SLC12A6: variants seen among roughly 807,000 people sequenced by gnomAD.
The protein encoded by SLC12A6 is K-Cl cotransporter 3.
SLC12A6 carries 66 observed loss-of-function variants against 135.3 expected under a neutral mutation model. The observed-to-expected ratio is 0.49, with a 90% confidence interval of 0.40 to 0.60. The LOEUF is 0.60. Among genes scored for constraint, SLC12A6 ranks in the 20% least tolerant of loss-of-function variants. The probability of loss-of-function intolerance (pLI) is 0.00; values close to 1 mark genes in which losing one functional copy is unlikely to be tolerated. For missense variants in SLC12A6, 1,058 were observed against 1,452.3 expected (o/e 0.73, Z 4.41); for synonymous variants, 513 against 508.8 (o/e 1.01, Z -0.11).
chr15:34,319,166 C>T (rs1223733468), intron 2 of SLC12A6, among the ~76,000 whole-genome samples: 4 of 147,434 alleles, frequency 2.7e-5, no homozygotes, highest in Admixed American at 6.7e-5. Context: ...GGGTCTCGCT[C>T]GCCCTGTTGT....
intron 2 of SLC12A6, among the ~76,000 whole-genome samples, chr15:34,288,751 G>C (rs1338637893): frequency 6.6e-6 from 1 of 152,176 alleles, no homozygotes; most frequent in Non-Finnish European, 1.5e-5. Context: ...TAGTAATTGT[G>C]AATGGGAGTT....
chr15:34,254,488 C>A lies in SLC12A6; in HGVS notation c.978G>T (p.Leu326Phe), dbSNP rs375869596. 49 of 1,613,698 alleles carry A rather than the reference C, an allele frequency of 3.0e-5. No individual in the cohort carries two copies. The highest frequency in any genetic ancestry group is 4.0e-5 in the Non-Finnish European group (47 of 1,179,720). The change falls in exon 9 of 26, where the codon TTG (leucine) becomes TTT (phenylalanine). Residue 326 changes from leucine (L) to phenylalanine (F), a missense_variant. Physicochemically the swap from Leu to Phe is conservative, Grantham distance 22. Around this residue, in one of 6 missense-constraint regions of SLC12A6, gnomAD observed 297 missense variants for 318.5 expected, o/e 0.93. Coordinates refer to ENST00000354181, the MANE Select transcript of SLC12A6 (RefSeq NM_001365088.1). ...TAAATACCACTAATACCATAAGGAC[C>A]AAGAAAGCTGTGCCGTAGACACGCA... Reference protein sequence around the residue: ...NNMRVYGTAFLVLMVLVVFIG... With the variant: ...NNMRVYGTAFFVLMVLVVFIG...
In SLC12A6 at chr15:34,237,124, G is replaced by T. The variant is rs1006473305; in HGVS notation, c.2934+295C>A. 6.4e-6 allele frequency: 3 copies of T among 465,718 alleles called. No individual in the cohort carries two copies. The East Asian group carries it at 1.3e-4, about 20-fold the overall frequency. The allele number at this position is 465,718 out of a possible 1,614,324, so 28.8% of individuals were successfully genotyped here. A position where few individuals can be genotyped will look rare whatever the true frequency, so the allele number is the denominator to read the frequency against. The stretch of plus-strand genomic sequence containing the variant: ...TTTTAAAAGCCATGTGTGATTTTAA[G>T]CTGAATATATGAATAAAAATTTCAT... On this transcript the variant is annotated intron_variant, in intron 22 of 25. Transcript: ENST00000354181.
At chr15:34,311,598 G>T (rs1317804469) in intron 2 of SLC12A6, among the ~76,000 whole-genome samples, 2 of 152,146 alleles carry the variant, frequency 1.3e-5, no homozygotes, top group African/African-American at 4.8e-5. Context: ...TTTATAAGTT[G>T]AACATTGGCT....
At position 34,242,143 on chromosome 15, in the gene SLC12A6, C is replaced by G; in HGVS notation, c.2121G>C (p.Met707Ile). 3 of 1,590,862 alleles carry G rather than the reference C, an allele frequency of 1.9e-6. No homozygotes were observed. Among genetic ancestry groups the G allele is most frequent in the Non-Finnish European group, 2.6e-6 (3 of 1,159,042 alleles). ...ACTTGTAGATCATACCAGCTATTAC[C>G]ATGGCTACAATGGCATAATACCAGG... is the stretch of plus-strand genomic sequence containing the variant. ...ISSWYYAIVA[M>I]VIAGMIYKYI... The change falls in exon 17 of 26, where the codon ATG becomes ATC. Residue 707 changes from methionine to isoleucine, a missense_variant. Physicochemically the swap from Met to Ile is conservative, Grantham distance 10. This residue lies in a region of SLC12A6 where 170 missense variants were observed against 297.6 expected (regional missense o/e 0.57). Transcript: ENST00000354181.
chr15:34,230,077 G>T lies in SLC12A6; in HGVS notation c.*3804C>A. On this transcript the variant is annotated 3_prime_UTR_variant, in exon 26 of 26. Transcript: ENST00000354181. ...AAAAAACATAACTATGTAAACAAGAGAATAACTGCTGCTAAATCAAGAACT... is the reference window on the plus strand; with the variant it reads ...AAAAAACATAACTATGTAAACAAGATAATAACTGCTGCTAAATCAAGAACT... 1 of 400,770 alleles carries T rather than the reference G, an allele frequency of 2.5e-6. No homozygotes were observed. Among genetic ancestry groups the T allele is most frequent in the South Asian group, 5.8e-5 (1 of 17,278 alleles). The allele number at this position is 400,770 out of a possible 1,614,324, so 24.8% of individuals were successfully genotyped here. A position where few individuals can be genotyped will look rare whatever the true frequency, so the allele number is the denominator to read the frequency against.
At chr15:34,254,861 G>GTTA (rs1472377469) in intron 8 of SLC12A6, among the ~76,000 whole-genome samples, 38 of 151,656 alleles carry the variant, frequency 2.5e-4, no homozygotes, top group African/African-American at 8.7e-4. Flanking sequence ...TATTCATAGG[G>GTTA]TTATATAAAG....
intron 2 of SLC12A6, among the ~76,000 whole-genome samples, chr15:34,288,943 G>T (rs1376362182): frequency 6.6e-6 from 1 of 152,184 alleles, no homozygotes; most frequent in Non-Finnish European, 1.5e-5. Context: ...GAGACAATTT[G>T]ACTTCCTCTC....
chr15:34,293,805 T>C (rs1226477647), intron 2 of SLC12A6, among the ~76,000 whole-genome samples: 1 of 152,210 alleles, frequency 6.6e-6, no homozygotes, highest in Non-Finnish European at 1.5e-5. Flanking sequence ...GGTCTCCCTA[T>C]GTTGCCCAGG....
Position 34,236,001 on chromosome 15 carries a change from G to C in SLC12A6, c.3227+14C>G, listed in dbSNP as rs1432425125. The C allele has an allele frequency of 6.2e-7, 1 of 1,605,326 alleles. No individual in the cohort carries two copies. The highest frequency in any genetic ancestry group is 8.5e-7 in the Non-Finnish European group (1 of 1,171,948). ...AGGTAATTTTATGATAAACTTGGGA[G>C]TGGGAAAACTTACGGACGCATGTTA... is the stretch of plus-strand genomic sequence containing the variant. On this transcript the variant is annotated intron_variant, in intron 24 of 25. Coordinates refer to ENST00000354181, the MANE Select transcript of SLC12A6 (RefSeq NM_001365088.1).
At chr15:34,237,652 G>A in intron 21 of SLC12A6, 102 bp from the exon 22 acceptor site, 2 of 935,284 alleles carry the variant, frequency 2.1e-6, no homozygotes, top group East Asian at 2.6e-5. Flanking sequence ...CTTGCTATAT[G>A]TAGTATAAGG....
chr15:34,303,765 T>C (rs1407425414), intron 2 of SLC12A6, among the ~76,000 whole-genome samples: 1 of 152,112 alleles, frequency 6.6e-6, no homozygotes, highest in Non-Finnish European at 1.5e-5. Context: ...CCTCTTACCC[T>C]CTCTGCCCTC....
intron 2 of SLC12A6, among the ~76,000 whole-genome samples, chr15:34,297,896 A>C (rs1895980896): frequency 6.6e-6 from 1 of 152,168 alleles, no homozygotes; most frequent in African/African-American, 2.4e-5. Context: ...AAAATGCAAA[A>C]AGAAATAAAT....
At chr15:34,278,625 G>A (rs1213343405) in intron 2 of SLC12A6, among the ~76,000 whole-genome samples, 1 of 151,940 alleles carries the variant, frequency 6.6e-6, no homozygotes, top group Non-Finnish European at 1.5e-5. Flanking sequence ...AGGCTGGAGT[G>A]CAGTAGCGCG....
chr15:34,247,999 C>A (rs946357649), intron 13 of SLC12A6, among the ~76,000 whole-genome samples: 2 of 152,152 alleles, frequency 1.3e-5, no homozygotes, highest in African/African-American at 4.8e-5. Context: ...GCCACCATAC[C>A]CAGCCCTCTG....
intron 19 of SLC12A6, among the ~76,000 whole-genome samples, chr15:34,239,963 T>A (rs189469972): frequency 2.4e-4 from 36 of 152,292 alleles, no homozygotes; most frequent in African/African-American, 7.2e-4. Context: ...CTTTTTTTTT[T>A]AAATACTTTA....
At chr15:34,335,807 A>G (rs925049557) in intron 2 of SLC12A6, among the ~76,000 whole-genome samples, 3 of 152,244 alleles carry the variant, frequency 2.0e-5, no homozygotes, top group African/African-American at 7.2e-5. Context: ...CATGGGAATC[A>G]GGCCCTAAAA....
chr15:34,287,539 T>G (rs1407471398), intron 2 of SLC12A6, among the ~76,000 whole-genome samples: 1 of 152,208 alleles, frequency 6.6e-6, no homozygotes, highest in Admixed American at 6.5e-5. Flanking sequence ...TCTAGATCCC[T>G]GAGGAATCAC....
intron 2 of SLC12A6, among the ~76,000 whole-genome samples, chr15:34,305,759 AT>A (rs1161853179): frequency 0.032 from 4,469 of 139,070 alleles, 181 homozygotes; most frequent in African/African-American, 0.094. Flanking sequence ...CTCCTCCAGC[AT>A]TTTTTTTTTT....
Sources: gnomAD v4.1 joint callset for allele counts (sites outside exome capture counted in the v4.1 genomes callset) on GRCh38, gnomAD v4.1.1 for gene constraint, gnomAD v4.1.1 regional missense constraint, MANE v1.5 for transcripts, NCBI Gene and HGNC (gene_info 2026-07-23, HGNC 2026-07-21) for gene names.